The following ZZZ3 variants were observed in gnomAD, a reference collection of about 807,000 sequenced individuals.
ZZZ3 encodes the protein zinc finger ZZ-type containing 3, also known as ZZ-type zinc finger-containing protein 3.
A neutral mutation model predicts 95.2 loss-of-function variants in ZZZ3; 22 were observed. The ratio of observed to expected loss-of-function variants is 0.23; its 90% CI spans 0.17 to 0.33. The LOEUF is 0.33. Ranked by LOEUF, ZZZ3 falls within the 10% of genes least tolerant of loss-of-function variation. The pLI is 1.00. For synonymous variants in ZZZ3, 335 were observed against 358.9 expected, an observed-to-expected ratio of 0.93 and a Z score of 0.75; for missense variants, 885 against 1,066.5, an observed-to-expected ratio of 0.83 and a Z score of 2.37.
chr1:77,681,899 C>CA (rs61661880), intron 1 of ZZZ3, among the ~76,000 whole-genome samples: 36,543 of 94,496 alleles, frequency 0.39, 6,527 homozygotes, highest in African/African-American at 0.51. Context: ...GACTCCGTCT[C>CA]AAAAAAAAAA....
chr1:77,628,714 A>G (rs1667530719), intron 5 of ZZZ3, among the ~76,000 whole-genome samples: 1 of 152,254 alleles, frequency 6.6e-6, no homozygotes, highest in Admixed American at 6.5e-5. Flanking sequence ...TTCAACTAGA[A>G]TAACACAGAG....
intron 14 of ZZZ3, 42 bp from the exon 15 acceptor site, chr1:77,565,826 T>C: frequency 6.4e-7 from 1 of 1,571,270 alleles, no homozygotes; most frequent in South Asian, 1.2e-5. Flanking sequence ...TGGTAGTGGA[T>C]GCATTTTAGT....
intron 1 of ZZZ3, among the ~76,000 whole-genome samples, chr1:77,671,489 C>T (rs1445240667): frequency 6.6e-6 from 1 of 152,138 alleles, no homozygotes; most frequent in Non-Finnish European, 1.5e-5. Flanking sequence ...ATGAAGATAG[C>T]ACCTCAAACT....
In ZZZ3 at chr1:77,641,359, T is replaced by C. The variant is rs569658693; in HGVS notation, c.-206+25A>G. On this transcript the variant is annotated intron_variant, in intron 3 of 14. Coordinates refer to ENST00000370801, the MANE Select transcript of ZZZ3 (RefSeq NM_015534.6). ...TAGCAGGCAAGAACATCTGCAACTG[T>C]TATTTTCACAGAACTGATACTTACA... 29 of 389,868 alleles carry C rather than the reference T, an allele frequency of 7.4e-5. No homozygotes were observed. The South Asian group carries it at 1.9e-3, about 25-fold the overall frequency. 24.2% of individuals were successfully genotyped at this position (389,868 alleles called of 1,614,324 possible).
At chr1:77,579,201 C>A (rs1354004597) in intron 10 of ZZZ3, among the ~76,000 whole-genome samples, 1 of 152,004 alleles carries the variant, frequency 6.6e-6, no homozygotes, top group East Asian at 1.9e-4. Context: ...GAAAGACAAC[C>A]AGGAAACACT....
At position 77,650,761 on chromosome 1, in the gene ZZZ3, A is replaced by G. The variant is rs181799480; in HGVS notation, c.-402-9106T>C. On this transcript the variant is annotated intron_variant, in intron 1 of 14. Transcript: ENST00000370801. Reference sequence around the variant, plus strand: ...AATAGAAAACAAAAAAGCAATAGAGAAAAATCAATGAACCAAAAGCTGATT... The same window carrying G: ...AATAGAAAACAAAAAAGCAATAGAGGAAAATCAATGAACCAAAAGCTGATT... Among the ~76,000 whole-genome samples the G allele has an allele frequency of 4.6e-5, 7 of 152,254 alleles. No homozygotes were observed. The East Asian group carries it at 9.6e-4, about 21-fold the overall frequency.
intron 12 of ZZZ3, among the ~76,000 whole-genome samples, chr1:77,571,353 T>C (rs1661367382): frequency 6.6e-6 from 1 of 152,074 alleles, no homozygotes; most frequent in South Asian, 2.1e-4. Context: ...GCACTGTTGG[T>C]GAGAATGTAA....
chr1:77,601,417 A>T (rs1261361496), intron 5 of ZZZ3, among the ~76,000 whole-genome samples: 1 of 152,252 alleles, frequency 6.6e-6, no homozygotes, highest in East Asian at 1.9e-4. Context: ...GAATCAAGTT[A>T]TTCAAGAAAT....
At chr1:77,664,590 T>C (rs531513365) in intron 1 of ZZZ3, among the ~76,000 whole-genome samples, 4 of 152,308 alleles carry the variant, frequency 2.6e-5, no homozygotes, top group South Asian at 4.1e-4. Flanking sequence ...TTTTTTTAAT[T>C]CCACACTTTT....
intron 5 of ZZZ3, among the ~76,000 whole-genome samples, chr1:77,611,859 C>T (rs1665845217): frequency 6.6e-6 from 1 of 151,864 alleles, no homozygotes; most frequent in Admixed American, 6.6e-5. Context: ...AAATATAAGA[C>T]CCAAAACCAT....
chr1:77,578,757 C>A lies in ZZZ3; in HGVS notation c.2178+17G>T. The A allele has an allele frequency of 1.4e-6, 2 of 1,413,824 alleles. No homozygotes were observed. Among genetic ancestry groups the A allele is most frequent in the East Asian group, 2.5e-5 (1 of 39,284 alleles). 87.6% of individuals were successfully genotyped at this position (1,413,824 alleles called of 1,614,324 possible). On this transcript the variant is annotated intron_variant, in intron 11 of 14. Coordinates refer to ENST00000370801, the MANE Select transcript of ZZZ3 (RefSeq NM_015534.6). ...ATAAATTTAATCTACAGTTTACTTT[C>A]ATGTATTTTCTTTTACCTTTTTGGA...
At chr1:77,676,755 G>A (rs1672304061) in intron 1 of ZZZ3, among the ~76,000 whole-genome samples, 2 of 149,120 alleles carry the variant, frequency 1.3e-5, no homozygotes, top group South Asian at 2.1e-4. Flanking sequence ...TAAGGCTTGG[G>A]GTAAAAATAA....
At chr1:77,620,598 T>C (rs1360885599) in intron 5 of ZZZ3, among the ~76,000 whole-genome samples, 1 of 152,148 alleles carries the variant, frequency 6.6e-6, no homozygotes, top group Admixed American at 6.5e-5. Flanking sequence ...AGTTGAAGAA[T>C]ACTTTGCTTT....
chr1:77,622,518 A>G (rs1666979922), intron 5 of ZZZ3, among the ~76,000 whole-genome samples: 1 of 152,174 alleles, frequency 6.6e-6, no homozygotes, highest in Admixed American at 6.5e-5. Context: ...TTGAAAAAGA[A>G]CATATTCACC....
rs1360965520 is a variant in ZZZ3 at position 77,633,181 on chromosome 1, T to C, written c.174A>G (p.Pro58=). ...RSPKKRPEPV[P]IQKGNNNGRT... ...TCCCATTATTATTTCCTTTCTGAAT[T>C]GGCACAGGCTCTGGTCTCTTCTTTG... is the stretch of plus-strand genomic sequence containing the variant. Residue 58 remains proline, a synonymous_variant, in exon 5 of 15, where the codon CCA becomes CCG. Coordinates refer to ENST00000370801, the MANE Select transcript of ZZZ3 (RefSeq NM_015534.6). 5 of 1,613,936 alleles carry C rather than the reference T, an allele frequency of 3.1e-6. No homozygotes were observed. Among genetic ancestry groups the C allele is most frequent in the East Asian group, 2.2e-5 (1 of 44,888 alleles).
intron 1 of ZZZ3, among the ~76,000 whole-genome samples, chr1:77,676,360 G>A (rs565925930): frequency 6.6e-6 from 1 of 152,288 alleles, no homozygotes; most frequent in East Asian, 1.9e-4. Flanking sequence ...TAGAGACGAG[G>A]TCACACTATG....
Position 77,652,191 on chromosome 1 carries a change from C to A in ZZZ3, c.-402-10536G>T, listed in dbSNP as rs186278637. On this transcript the variant is annotated intron_variant, in intron 1 of 14. Transcript: ENST00000370801. Reference sequence around the variant, plus strand: ...GAACTCAAGAGAATAAAAAGATAACCCATAGAATGGGAGAAAATATTTGTA... The same window carrying A: ...GAACTCAAGAGAATAAAAAGATAACACATAGAATGGGAGAAAATATTTGTA... Among the ~76,000 whole-genome samples, 393 of 151,958 alleles carry A rather than the reference C, an allele frequency of 2.6e-3. 8 individuals are homozygous for A. Among genetic ancestry groups the A allele is most frequent in the South Asian group, 6.2e-4 (3 of 4,820 alleles).
intron 5 of ZZZ3, among the ~76,000 whole-genome samples, chr1:77,626,149 T>C (rs891632866): frequency 5.3e-5 from 8 of 152,176 alleles, no homozygotes; most frequent in Admixed American, 5.2e-4. Flanking sequence ...ACTTAATGTT[T>C]TGGTTAGTCA....
At chr1:77,675,604 T>C (rs1416660507) in intron 1 of ZZZ3, among the ~76,000 whole-genome samples, 1 of 152,166 alleles carries the variant, frequency 6.6e-6, no homozygotes, top group Non-Finnish European at 1.5e-5. Context: ...ACACACTTTT[T>C]TTTTTTTCAA....
Sources: allele counts gnomAD v4.1 joint callset (sites outside exome capture counted in the v4.1 genomes callset), GRCh38; gene constraint gnomAD v4.1.1; transcripts MANE v1.5; gene names NCBI Gene and HGNC (gene_info 2026-07-23, HGNC 2026-07-21).